Variants in CALN1 observed in about 807,000 individuals in gnomAD.
CALN1 encodes the protein calneuron 1, also known as calcium-binding protein 8.
Under a neutral mutation model 30.6 loss-of-function variants are expected in CALN1, and 17 were observed. The observed-to-expected ratio is 0.56, with a 90% CI of 0.38 to 0.83. The LOEUF is 0.83. Among genes scored for constraint, CALN1 ranks in the 40% least tolerant of loss-of-function variants. The probability of loss-of-function intolerance (pLI) is 0.00; values close to 1 mark genes in which losing one functional copy is unlikely to be tolerated. For missense variants in CALN1, 291 were observed against 354.9 expected (o/e 0.82, Z 1.45); for synonymous variants, 156 against 131.4 (o/e 1.19, Z -1.28).
At chr7:71,838,867 C>T (rs976387398) in intron 5 of CALN1, among the ~76,000 whole-genome samples, 10 of 152,054 alleles carry the variant, frequency 6.6e-5, no homozygotes, top group Non-Finnish European at 1.5e-4. Context: ...TGAGGCCTCC[C>T]CAGCCATACT....
chr7:72,451,457 G>A (rs970174188), upstream of CALN1, among the ~76,000 whole-genome samples: 1 of 151,880 alleles, frequency 6.6e-6, no homozygotes, highest in Admixed American at 6.6e-5. Context: ...GAGAAGAAGA[G>A]AAGCTGCAGC....
intron 4 of CALN1, among the ~76,000 whole-genome samples, chr7:72,102,997 C>T (rs1021816958): frequency 6.2e-5 from 9 of 146,110 alleles, no homozygotes; most frequent in Non-Finnish European, 3.0e-5. Context: ...TGCTTAAACC[C>T]GGGAAGCGGA....
chr7:71,882,586 G>C (rs879888908), intron 5 of CALN1, among the ~76,000 whole-genome samples: 3 of 152,068 alleles, frequency 2.0e-5, no homozygotes, highest in Non-Finnish European at 4.4e-5. Flanking sequence ...CATGAAGTTT[G>C]TTCTAGATAA....
At chr7:72,393,219 G>T (rs1468190413) in intron 2 of CALN1, among the ~76,000 whole-genome samples, 3 of 152,120 alleles carry the variant, frequency 2.0e-5, no homozygotes, top group Non-Finnish European at 4.4e-5. Flanking sequence ...TGTAATCCCA[G>T]CACATTGGGA....
chr7:71,986,173 G>A (rs553223372), intron 5 of CALN1, among the ~76,000 whole-genome samples: 1 of 151,970 alleles, frequency 6.6e-6, no homozygotes, highest in Admixed American at 6.6e-5. Context: ...TCAGCCTCCC[G>A]AGCAGCTGGG....
chr7:72,042,838 T>C (rs752693180), intron 4 of CALN1, among the ~76,000 whole-genome samples: 13 of 152,138 alleles, frequency 8.5e-5, no homozygotes, highest in Non-Finnish European at 4.4e-5. Flanking sequence ...TCTTAAAAGT[T>C]TTAGGAATGG....
At chr7:72,237,996 T>C (rs1794585453) in intron 3 of CALN1, among the ~76,000 whole-genome samples, 1 of 152,130 alleles carries the variant, frequency 6.6e-6, no homozygotes, top group Admixed American at 6.5e-5. Context: ...CTTGAAGGAC[T>C]CCAAAAACAG....
intron 3 of CALN1, among the ~76,000 whole-genome samples, chr7:72,215,173 C>T (rs1185713396): frequency 2.0e-5 from 3 of 152,178 alleles, no homozygotes; most frequent in Admixed American, 1.3e-4. Context: ...GGTCTACATG[C>T]TAACATCAAT....
chr7:72,490,864 G>GTAGTTC, the CALN1 span, among the ~76,000 whole-genome samples: 3 of 152,146 alleles, frequency 2.0e-5, no homozygotes, highest in East Asian at 5.8e-4. Flanking sequence ...TCAGTCTCAG[G>GTAGTTC]TAGTTCTTTA....
chr7:71,954,385 G>A (rs769315445), intron 5 of CALN1, among the ~76,000 whole-genome samples: 14 of 152,108 alleles, frequency 9.2e-5, no homozygotes, highest in Non-Finnish European at 1.8e-4. Context: ...ATTTGAACCA[G>A]GGAGATGGAG....
At chr7:72,342,939 A>C (rs745809601) in intron 2 of CALN1, among the ~76,000 whole-genome samples, 1 of 152,224 alleles carries the variant, frequency 6.6e-6, no homozygotes, top group Admixed American at 6.5e-5. Flanking sequence ...AGGATTCACT[A>C]AATTCTTTAC....
intron 1 of CALN1, among the ~76,000 whole-genome samples, chr7:72,443,368 TA>T (rs1409597442): frequency 6.6e-6 from 1 of 152,164 alleles, no homozygotes; most frequent in East Asian, 1.9e-4. Context: ...ATTCCGTTGC[TA>T]AAAATCCTTC....
intron 5 of CALN1, among the ~76,000 whole-genome samples, chr7:71,811,877 C>T (rs1787982585): frequency 6.6e-6 from 1 of 151,662 alleles, no homozygotes; most frequent in African/African-American, 2.4e-5. Flanking sequence ...CGGGGTTTCG[C>T]CATGTTGGTC....
At chr7:72,121,803 G>C (rs1226787334) in intron 3 of CALN1, among the ~76,000 whole-genome samples, 1 of 136,974 alleles carries the variant, frequency 7.3e-6, no homozygotes, top group Non-Finnish European at 1.5e-5. Flanking sequence ...TATGTGTTTT[G>C]ATTATTGTAA....
intron 4 of CALN1, among the ~76,000 whole-genome samples, chr7:72,051,036 A>ATAAG (rs1390542964): frequency 7.1e-6 from 1 of 140,510 alleles, no homozygotes; most frequent in Non-Finnish European, 1.6e-5. Context: ...AAATAAATAA[A>ATAAG]TAAATATTTT....
At chr7:71,922,647 A>G (rs1461136090) in intron 5 of CALN1, among the ~76,000 whole-genome samples, 1 of 139,304 alleles carries the variant, frequency 7.2e-6, no homozygotes, top group African/African-American at 2.7e-5. Flanking sequence ...AACAGAATAT[A>G]TTATATATAA....
intron 5 of CALN1, among the ~76,000 whole-genome samples, chr7:71,962,692 T>G (rs568421207): frequency 6.6e-6 from 1 of 152,322 alleles, no homozygotes; most frequent in African/African-American, 2.4e-5. Context: ...TTGGGTGCCG[T>G]GAGGAGAAGA....
intron 5 of CALN1, among the ~76,000 whole-genome samples, chr7:71,867,059 C>T (rs949422829): frequency 2.0e-5 from 3 of 151,900 alleles, no homozygotes; most frequent in Non-Finnish European, 4.4e-5. Context: ...GCAGGGGAAT[C>T]GCTTGAATCC....
chr7:72,414,708 C>T (rs568793636), upstream of CALN1, among the ~76,000 whole-genome samples: 1 of 152,166 alleles, frequency 6.6e-6, no homozygotes, highest in Non-Finnish European at 1.5e-5. Flanking sequence ...AGCTCTGTAC[C>T]CCTCTCTGTT....
Sources: gnomAD v4.1 joint callset for allele counts (sites outside exome capture counted in the v4.1 genomes callset) on GRCh38, gnomAD v4.1.1 for gene constraint, MANE v1.5 for transcripts, NCBI Gene and HGNC (gene_info 2026-07-23, HGNC 2026-07-21) for gene names.